Variants in FIG4 observed in about 807,000 individuals in gnomAD.
FIG4 encodes polyphosphoinositide phosphatase.
FIG4 carries 112 observed loss-of-function variants against 118.6 expected under a neutral mutation model. That is an observed-to-expected ratio of 0.94 (90% confidence interval 0.81 to 1.11). The LOEUF is 1.11. Among genes scored for constraint, FIG4 ranks in the 50% least tolerant of loss-of-function variants. FIG4 has a pLI of 0.00. For missense variants in FIG4, 969 were observed against 1,111.7 expected (o/e 0.87, Z 1.83); for synonymous variants, 369 against 381.2 (o/e 0.97, Z 0.37).
rs947066493 is a variant in FIG4, at chr6:109,796,391, C to T, written c.2460-374C>T. 2.6e-5 allele frequency among the ~76,000 whole-genome samples: 4 copies of T among 152,188 alleles called. 1 individual carries two copies. The highest frequency in any genetic ancestry group is 4.1e-4 in the South Asian group (2 of 4,834). On this transcript the variant is annotated intron_variant, in intron 21 of 22. Transcript: ENST00000230124. ...TCCTGCATGCTTCCCCCCATGCTTC[C>T]TGCATTCCACGCATTAGATATTTGT...
At chr6:109,735,396 T>A in intron 6 of FIG4, 98 bp downstream of exon 6, 1 of 1,199,136 alleles carries the variant, frequency 8.3e-7, no homozygotes, top group Non-Finnish European at 1.2e-6. Context: ...TGTCCATCCC[T>A]CTTTGCTGTT....
chr6:109,748,063 G>T (rs1368382109), intron 10 of FIG4, among the ~76,000 whole-genome samples: 4 of 152,068 alleles, frequency 2.6e-5, no homozygotes, highest in African/African-American at 9.7e-5. Context: ...TAGGAGGAAT[G>T]GTCATCTGCT....
intron 1 of FIG4, among the ~76,000 whole-genome samples, chr6:109,695,518 T>G (rs1774683688): frequency 6.6e-6 from 1 of 152,028 alleles, no homozygotes; most frequent in African/African-American, 2.4e-5. Context: ...CAAAACACTC[T>G]CATAATAAGC....
intron 21 of FIG4, among the ~76,000 whole-genome samples, chr6:109,793,891 A>G (rs1424955014): frequency 6.6e-6 from 1 of 152,222 alleles, no homozygotes; most frequent in South Asian, 2.1e-4. Context: ...GAGCACAGCC[A>G]CACCCTCCTC....
At chr6:109,754,486 T>A (rs1776817004) in intron 10 of FIG4, among the ~76,000 whole-genome samples, 1 of 152,256 alleles carries the variant, frequency 6.6e-6, no homozygotes, top group Admixed American at 6.5e-5. Flanking sequence ...CCTCTTTTTC[T>A]ATTGATTGGA....
Position 109,785,015 on chromosome 6 carries a change from G to T in FIG4, c.1935G>T (p.Leu645Phe). 1 of 1,569,870 alleles carries T rather than the reference G, an allele frequency of 6.4e-7. No homozygotes were observed. Residue 645 changes from leucine to phenylalanine, a missense_variant, in exon 17 of 23, where the codon TTG becomes TTT. Leu to Phe is a conservative substitution (Grantham distance 22). Transcript: ENST00000230124. ...WTPEVIKHLP[L>F]PYDEVICAVN... is the part of the protein sequence containing the mutation. ...CAGAGGTGATAAAGCATTTACCATTGCCCTATGATGAAGGTAGGTAACTGT... is the reference window on the plus strand; with the variant it reads ...CAGAGGTGATAAAGCATTTACCATTTCCCTATGATGAAGGTAGGTAACTGT...
rs80259583 is a variant in FIG4, at chr6:109,694,277, C to T, written c.66+2776C>T. On this transcript the variant is annotated intron_variant, in intron 1 of 22. Coordinates refer to ENST00000230124, the MANE Select transcript of FIG4 (RefSeq NM_014845.6). ...ATATAAATAACTCCCACAAGCTTAG[C>T]GTTCCAATAACGGAACACTAGGCAT... Among the ~76,000 whole-genome samples, 49 of 152,260 alleles carry T rather than the reference C, an allele frequency of 3.2e-4. No individual in the cohort carries two copies. In the East Asian group the frequency reaches 8.1e-3, roughly 25 times the overall value.
intron 1 of FIG4, among the ~76,000 whole-genome samples, chr6:109,697,493 T>C (rs1053926188): frequency 3.3e-5 from 5 of 152,188 alleles, no homozygotes; most frequent in Admixed American, 2.0e-4. Context: ...TCTTGCATCA[T>C]GGACATTTCC....
chr6:109,800,530 A>G (rs1169582153), intron 22 of FIG4, among the ~76,000 whole-genome samples: 2 of 152,184 alleles, frequency 1.3e-5, no homozygotes, highest in African/African-American at 4.8e-5. Flanking sequence ...TGTTGCTGAC[A>G]TTATTGTAAT....
In FIG4 at chr6:109,715,164, A is replaced by C. The variant is rs1229816019; in HGVS notation, c.153A>C (p.Ile51=). 1 of 1,587,260 alleles carries C rather than the reference A, an allele frequency of 6.3e-7. No individual in the cohort carries two copies. Among genetic ancestry groups the C allele is most frequent in the South Asian group, 1.1e-5 (1 of 90,562 alleles). ...GAACAGAACCAAAAGATTTGGTCAT[A>C]ATTGATGACAGGGTAAGTATCCTCC... is the stretch of plus-strand genomic sequence containing the variant. The part of the protein sequence containing the change: ...IDRTEPKDLV[I]IDDRHVYTQQ... Residue 51 remains isoleucine (I), a synonymous_variant, in exon 2 of 23, where the codon ATA becomes ATC. Transcript: ENST00000230124.
intron 19 of FIG4, 137 bp from the exon 20 acceptor site, chr6:109,791,239 C>A: frequency 1.3e-6 from 1 of 752,218 alleles, no homozygotes; most frequent in Admixed American, 2.1e-5. Context: ...CCCTGTAGCA[C>A]AACCTGAATC....
chr6:109,717,770 G>T (rs1315298763), intron 3 of FIG4, among the ~76,000 whole-genome samples: 1 of 152,230 alleles, frequency 6.6e-6, no homozygotes, highest in Admixed American at 6.5e-5. Flanking sequence ...ATGCTGGGGA[G>T]TAGTCAGGCA....
At chr6:109,790,523 G>A (rs934828255) in intron 19 of FIG4, among the ~76,000 whole-genome samples, 8 of 152,136 alleles carry the variant, frequency 5.3e-5, no homozygotes, top group African/African-American at 1.2e-4. Flanking sequence ...TCACAGAAAC[G>A]TTACCAACTT....
intron 22 of FIG4, among the ~76,000 whole-genome samples, chr6:109,820,521 G>A (rs1044559314): frequency 3.9e-5 from 6 of 152,078 alleles, no homozygotes; most frequent in African/African-American, 1.4e-4. Context: ...AGTTGAGCTG[G>A]GAAAGAGCTT....
rs188905322 is a variant in FIG4 at position 109,736,099 on chromosome 6, A to G, written c.646+801A>G. ...AGGGAAGCATTTCAATAGTTAAGAC[A>G]CTTTAGTTGTGTTCAGCTGACTGTG... is the stretch of plus-strand genomic sequence containing the variant. On this transcript the variant is annotated intron_variant, in intron 6 of 22. Coordinates refer to ENST00000230124, the MANE Select transcript of FIG4 (RefSeq NM_014845.6). 7.7e-4 allele frequency among the ~76,000 whole-genome samples: 117 copies of G among 152,180 alleles called. 2 individuals carry two copies. Among genetic ancestry groups the G allele is most frequent in the Non-Finnish European group, 7.5e-4 (51 of 67,984 alleles).
chr6:109,711,116 A>T (rs1387824249), intron 1 of FIG4, among the ~76,000 whole-genome samples: 1 of 152,106 alleles, frequency 6.6e-6, no homozygotes, highest in Admixed American at 6.5e-5. Context: ...TTGCTTTATT[A>T]TGGCCAGGTG....
At chr6:109,728,864 A>T (rs981097502) in intron 4 of FIG4, among the ~76,000 whole-genome samples, 7 of 152,286 alleles carry the variant, frequency 4.6e-5, no homozygotes, top group African/African-American at 1.7e-4. Flanking sequence ...CATCTTTATG[A>T]TACTTTAGCC....
At chr6:109,813,022 A>G (rs1778764154) in intron 22 of FIG4, among the ~76,000 whole-genome samples, 1 of 152,232 alleles carries the variant, frequency 6.6e-6, no homozygotes, top group Non-Finnish European at 1.5e-5. Flanking sequence ...CTCATATTAA[A>G]TGGAACCATA....
chr6:109,730,431 A>G (rs907246646), intron 4 of FIG4, among the ~76,000 whole-genome samples: 1 of 152,170 alleles, frequency 6.6e-6, no homozygotes, highest in Non-Finnish European at 1.5e-5. Context: ...TAAAAGTCAT[A>G]TGGAAAAGCA....
Sources: allele counts gnomAD v4.1 joint callset (sites outside exome capture counted in the v4.1 genomes callset), GRCh38; gene constraint gnomAD v4.1.1; transcripts MANE v1.5; gene names NCBI Gene and HGNC (gene_info 2026-07-23, HGNC 2026-07-21).